YAE1: variants seen among roughly 807,000 people sequenced by gnomAD.
YAE1 encodes YAE1 maturation factor of ABCE1, also known as protein YAE1 homolog.
YAE1 carries 22 observed loss-of-function variants against 23.0 expected under a neutral mutation model. The ratio of observed to expected loss-of-function variants is 0.96; its 90% CI spans 0.68 to 1.37. YAE1 has a LOEUF of 1.37. Among genes scored for constraint, YAE1 ranks in the 40% most tolerant of loss-of-function variants. The pLI, the probability that YAE1 is intolerant of heterozygous loss-of-function variation, is 0.00. For synonymous variants in YAE1, 101 were observed against 97.0 expected (o/e 1.04, Z -0.24); for missense variants, 260 against 262.1 (o/e 0.99, Z 0.06).
chr7:39,576,039 G>A (rs900176862), downstream of YAE1, among the ~76,000 whole-genome samples: 102 of 152,060 alleles, frequency 6.7e-4, 2 homozygotes, highest in Admixed American at 6.6e-3. Flanking sequence ...TTCACTGTTG[G>A]ACCTCTTTGT....
intron 2 of YAE1, among the ~76,000 whole-genome samples, chr7:39,593,217 C>CTT: frequency 9.4e-6 from 1 of 106,124 alleles, no homozygotes; most frequent in Non-Finnish European, 1.7e-5. Flanking sequence ...CAGAGTCTCG[C>CTT]TTTGTCACCC....
At chr7:39,570,790 T>C in intron 2 of YAE1, 163 bp downstream of exon 2, 1 of 820,532 alleles carries the variant, frequency 1.2e-6, no homozygotes, top group Non-Finnish European at 1.8e-6. Context: ...AGTCAAAATC[T>C]TTATCAGCTC....
chr7:39,570,135 G>C lies in YAE1; in HGVS notation c.130-371G>C, dbSNP rs1317027610. 3 of 841,646 alleles carry C rather than the reference G, an allele frequency of 3.6e-6. No individual in the cohort carries two copies. The East Asian group carries it at 7.4e-5, about 21-fold the overall frequency. 52.1% of individuals were successfully genotyped at this position (841,646 alleles called of 1,614,324 possible). ...TTGCTCTGCCGCCTGTGGGTCCAGG[G>C]AGCACCCCCAAGCAACAGTACCAGG... On this transcript the variant is annotated intron_variant, in intron 1 of 2. Coordinates refer to ENST00000223273, the MANE Select transcript of YAE1 (RefSeq NM_020192.5).
chr7:39,574,253 G>A (rs964069711), downstream of YAE1, among the ~76,000 whole-genome samples: 23 of 152,218 alleles, frequency 1.5e-4, no homozygotes, highest in African/African-American at 5.3e-4. Flanking sequence ...GAATTAGCTA[G>A]TTGAGACTAT....
At chr7:39,577,376 T>G (rs1195024809), downstream of YAE1, among the ~76,000 whole-genome samples, 1 of 152,220 alleles carries the variant, frequency 6.6e-6, no homozygotes, top group African/African-American at 2.4e-5. Flanking sequence ...GCTGCTGCGC[T>G]GTGGGAGCCC....
At chr7:39,590,115 A>G (rs1790880121) in intron 2 of YAE1, among the ~76,000 whole-genome samples, 1 of 152,242 alleles carries the variant, frequency 6.6e-6, no homozygotes, top group South Asian at 2.1e-4. Context: ...ATAAGAGTGT[A>G]TACATAAGTC....
chr7:39,580,108 T>G (rs1484891819), intron 2 of YAE1, among the ~76,000 whole-genome samples: 1 of 152,180 alleles, frequency 6.6e-6, no homozygotes, highest in African/African-American at 2.4e-5. Flanking sequence ...CCAGATTTGT[T>G]TGCTATACAT....
At chr7:39,590,227 A>G (rs1489255400) in intron 2 of YAE1, among the ~76,000 whole-genome samples, 1 of 152,256 alleles carries the variant, frequency 6.6e-6, no homozygotes, top group Non-Finnish European at 1.5e-5. Context: ...AAGATTCCCA[A>G]CACAACTTAA....
chr7:39,599,124 C>A (rs1583683056), intron 2 of YAE1, among the ~76,000 whole-genome samples: 1 of 151,986 alleles, frequency 6.6e-6, no homozygotes, highest in Non-Finnish European at 1.5e-5. Flanking sequence ...GCTATAATCC[C>A]AGCTCCTAGA....
chr7:39,585,329 T>C (rs1350239085), intron 2 of YAE1, among the ~76,000 whole-genome samples: 4 of 152,140 alleles, frequency 2.6e-5, no homozygotes, highest in South Asian at 2.1e-4. Context: ...TATTTGGAGA[T>C]AGAAGTGTGC....
intron 2 of YAE1, among the ~76,000 whole-genome samples, chr7:39,582,054 A>T (rs1008647725): frequency 6.6e-6 from 1 of 152,038 alleles, no homozygotes; most frequent in Non-Finnish European, 1.5e-5. Flanking sequence ...CAGCCTCCCA[A>T]GTAGCTGGGA....
At chr7:39,606,585 A>G (rs900535084) in intron 2 of YAE1, among the ~76,000 whole-genome samples, 44 of 152,210 alleles carry the variant, frequency 2.9e-4, no homozygotes, top group African/African-American at 9.4e-4. Context: ...AACCGGGTGA[A>G]TGGTGGTACA....
At chr7:39,601,014 T>C (rs1461266482) in intron 2 of YAE1, among the ~76,000 whole-genome samples, 1 of 152,246 alleles carries the variant, frequency 6.6e-6, no homozygotes, top group African/African-American at 2.4e-5. Context: ...AAGTCAGTAC[T>C]ATCATCATCT....
At chr7:39,609,628 A>C in exon 3 of YAE1, 2 of 1,535,070 alleles carry the variant, frequency 1.3e-6, no homozygotes, top group Non-Finnish European at 1.7e-6. Context: ...AACTCAACGG[A>C]TTGGAGCCTA....
chr7:39,578,121 G>A (rs1384199458), intron 2 of YAE1, among the ~76,000 whole-genome samples: 1 of 152,180 alleles, frequency 6.6e-6, no homozygotes, highest in Non-Finnish European at 1.5e-5. Context: ...GGGACTTGGA[G>A]AACTTCTATG....
chr7:39,600,090 G>T (rs916445150), intron 2 of YAE1, among the ~76,000 whole-genome samples: 4 of 152,128 alleles, frequency 2.6e-5, no homozygotes, highest in African/African-American at 9.7e-5. Context: ...GAAGTTTCTC[G>T]AGAGTAAGGA....
intron 2 of YAE1, among the ~76,000 whole-genome samples, chr7:39,601,948 G>C (rs10274595): frequency 0.33 from 50,610 of 151,976 alleles, 8,829 homozygotes; most frequent in East Asian, 0.42. Flanking sequence ...ATGCCGAAGA[G>C]TGCCCAGCAA....
At chr7:39,575,575 A>AGAGAGAGTGAGT (rs1339594299), downstream of YAE1, among the ~76,000 whole-genome samples, 6 of 81,782 alleles carry the variant, frequency 7.3e-5, no homozygotes, top group African/African-American at 4.4e-4. Context: ...AGAGAGAGAG[A>AGAGAGAGTGAGT]GAGTGAGTGT....
chr7:39,578,828 A>G (rs1465257651), intron 2 of YAE1, among the ~76,000 whole-genome samples: 1 of 152,252 alleles, frequency 6.6e-6, no homozygotes, highest in Non-Finnish European at 1.5e-5. Context: ...GTCATACACC[A>G]GGCTAAACAG....
Sources: allele counts gnomAD v4.1 joint callset (sites outside exome capture counted in the v4.1 genomes callset), GRCh38; gene constraint gnomAD v4.1.1; transcripts MANE v1.5; gene names NCBI Gene and HGNC (gene_info 2026-07-23, HGNC 2026-07-21).